CEP44: variants seen among roughly 807,000 people sequenced by gnomAD.
CEP44 encodes the protein centrosomal protein of 44 kDa.
A neutral mutation model predicts 46.7 loss-of-function variants in CEP44; 45 were observed. The observed-to-expected ratio is 0.96, with a 90% CI of 0.76 to 1.24. CEP44 has a LOEUF of 1.24. Among genes scored for constraint, CEP44 ranks in the 50% most tolerant of loss-of-function variants. The pLI, the probability that CEP44 is intolerant of heterozygous loss-of-function variation, is 0.00. For missense variants in CEP44, 475 were observed against 459.7 expected, an observed-to-expected ratio of 1.03 and a Z score of -0.30; for synonymous variants, 142 against 146.0, an observed-to-expected ratio of 0.97 and a Z score of 0.20.
At position 174,308,727 on chromosome 4, in the gene CEP44, T is replaced by C. The variant is rs1286267447; in HGVS notation, c.546T>C (p.Asp182=). ...TGATTCGTCACTTGTATAATGAAGATAATGTTGACATTTCTGAGGATACAT... is the reference window on the plus strand; with the variant it reads ...TGATTCGTCACTTGTATAATGAAGACAATGTTGACATTTCTGAGGATACAT... ...AVVIRHLYNE[D]NVDISEDTLS... is the part of the protein sequence containing the mutation. The change falls in exon 7 of 12, where the codon GAT becomes GAC. Residue 182 remains aspartate, a synonymous_variant. Transcript: ENST00000503780. 8 of 1,612,634 alleles carry C rather than the reference T, an allele frequency of 5.0e-6. No homozygotes were observed. Among genetic ancestry groups the C allele is most frequent in the Non-Finnish European group, 6.8e-6 (8 of 1,178,912 alleles).
rs1271415412 is a variant in CEP44, at chr4:174,290,879, C to T, written c.-148+6936C>T. ...TTGTTGTATCTTTCTATTGAATTGA[C>T]CCTTTTACTATTATATAATGCCTTC... On this transcript the variant is annotated intron_variant, in intron 1 of 11. Transcript: ENST00000503780. This position sits in a 1 kb window ranked among gnomAD's most constrained non-coding sequence, Gnocchi z 4.3. 6.6e-6 allele frequency among the ~76,000 whole-genome samples: 1 copy of T among 152,074 alleles called. No homozygotes were observed. Among genetic ancestry groups the T allele is most frequent in the Non-Finnish European group, 1.5e-5 (1 of 68,004 alleles).
chr4:174,308,563 ACC>A, intron 6 of CEP44, 124 bp from the exon 7 acceptor site: 2 of 855,096 alleles, frequency 2.3e-6, no homozygotes, highest in Non-Finnish European at 3.6e-6. Flanking sequence ...TGCACAACAA[ACC>A]CCCATGGCAC....
intron 8 of CEP44, among the ~76,000 whole-genome samples, chr4:174,330,961 A>T (rs1346078715): frequency 6.6e-6 from 1 of 152,186 alleles, no homozygotes; most frequent in East Asian, 1.9e-4. Context: ...ACCATGGTAA[A>T]CATATCTACA....
rs1740133038 is a variant in CEP44, at chr4:174,304,342, C to T, written c.480C>T (p.Ile160=). 1.9e-6 allele frequency: 3 copies of T among 1,611,398 alleles called. No individual in the cohort carries two copies. The highest frequency in any genetic ancestry group is 2.5e-6 in the Non-Finnish European group (3 of 1,179,290). ...KISAEAVGVD[I]SGRFMTSGKK... ...CTGCAGAGGCTGTTGGCGTTGATAT[C>T]AGTGGCAGGTTTATGACCTCAGGAA... Residue 160 remains isoleucine, a synonymous_variant, in exon 6 of 12, where the codon ATC becomes ATT. Transcript: ENST00000503780.
At chr4:174,303,473 A>T (rs747425110) in intron 4 of CEP44, among the ~76,000 whole-genome samples, 1 of 152,170 alleles carries the variant, frequency 6.6e-6, no homozygotes, top group African/African-American at 2.4e-5. Context: ...CTGGACAGAC[A>T]TCTGTTCTCC....
At chr4:174,332,838 T>C (rs1303084076) in exon 9 of CEP44, 1 of 152,176 alleles carries the variant, frequency 6.6e-6, no homozygotes, top group Non-Finnish European at 1.5e-5. Context: ...AGTTTGTTCC[T>C]AGTTGGAGGG....
intron 1 of CEP44, chr4:174,284,215 A>AC (rs1187598788): frequency 2.5e-6 from 1 of 397,224 alleles, no homozygotes; most frequent in Admixed American, 4.4e-5. Flanking sequence ...CCTTACAGAG[A>AC]CCCCGGGCGG....
Position 174,329,950 on chromosome 4 carries a change from G to C in CEP44, c.1087-1532G>C, listed in dbSNP as rs536787783. 2.0e-5 allele frequency among the ~76,000 whole-genome samples: 3 copies of C among 151,812 alleles called. No individual in the cohort carries two copies. The highest frequency in any genetic ancestry group is 7.3e-5 in the African/African-American group (3 of 41,308). ...ATTATAGTTTCAACTTTCATACTTC[G>C]TATTAAAATGATTGTATAAGAAAAT... On this transcript the variant is annotated intron_variant, in intron 8 of 8. Transcript: ENST00000426172. This position sits in a 1 kb window ranked among gnomAD's most constrained non-coding sequence, Gnocchi z 4.0.
intron 7 of CEP44, 30 bp downstream of exon 7, chr4:174,308,889 C>A: frequency 6.3e-7 from 1 of 1,591,216 alleles, no homozygotes. Context: ...TAAATAGATG[C>A]CAGTATTTTT....
At chr4:174,285,258 A>G (rs1483979593) in intron 1 of CEP44, among the ~76,000 whole-genome samples, 2 of 152,250 alleles carry the variant, frequency 1.3e-5, no homozygotes, top group Admixed American at 1.3e-4. Flanking sequence ...TAAAATGTAC[A>G]TAAGTAATAG....
At chr4:174,298,713 A>G (rs1258181455) in intron 2 of CEP44, among the ~76,000 whole-genome samples, 2 of 152,228 alleles carry the variant, frequency 1.3e-5, no homozygotes. Context: ...TTCTATAAGC[A>G]TCCAAAAGAG....
At position 174,287,795 on chromosome 4, in the gene CEP44, A is replaced by G. The variant is rs1367936546; in HGVS notation, c.-148+3852A>G. Among the ~76,000 whole-genome samples, 1 of 152,232 alleles carries G rather than the reference A, an allele frequency of 6.6e-6. No homozygotes were observed. The highest frequency in any genetic ancestry group is 1.5e-5 in the Non-Finnish European group (1 of 68,040). On this transcript the variant is annotated intron_variant, in intron 1 of 11. Coordinates refer to ENST00000503780, the MANE Select transcript of CEP44 (RefSeq NM_001040157.3). This position sits in a 1 kb window ranked among gnomAD's most constrained non-coding sequence, Gnocchi z 5.1. ...GACAATATGTTTATAAGTGTTTTGC[A>G]GTAACCTTTTTGTTTCTATAATTTC...
At chr4:174,295,178 T>C (rs534399563) in intron 1 of CEP44, among the ~76,000 whole-genome samples, 30 of 151,878 alleles carry the variant, frequency 2.0e-4, no homozygotes, top group African/African-American at 6.8e-4. Flanking sequence ...GAGACGCTCC[T>C]CACTTCCCAG....
chr4:174,319,338 C>A lies in CEP44; in HGVS notation c.*1955C>A. Reference sequence around the variant, plus strand: ...CTGTATCGATTAACTCCTAAAATATCAGTACCAGCATGGAATTATAGCACC... The same window carrying A: ...CTGTATCGATTAACTCCTAAAATATAAGTACCAGCATGGAATTATAGCACC... On this transcript the variant is annotated 3_prime_UTR_variant, in exon 12 of 12. Transcript: ENST00000503780. 2.0e-6 allele frequency: 2 copies of A among 984,288 alleles called. No individual in the cohort carries two copies. Among genetic ancestry groups the A allele is most frequent in the Non-Finnish European group, 2.4e-6 (2 of 828,956 alleles). 61.0% of individuals were successfully genotyped at this position (984,288 alleles called of 1,614,324 possible).
chr4:174,305,074 A>G (rs1221665895), intron 6 of CEP44, among the ~76,000 whole-genome samples: 1 of 152,242 alleles, frequency 6.6e-6, no homozygotes, highest in Non-Finnish European at 1.5e-5. Flanking sequence ...AAGGATGTGA[A>G]TACTTTCTGA....
rs1035367238 is a variant in CEP44, at chr4:174,314,856, T to C, written c.962-1310T>C. On this transcript the variant is annotated intron_variant, in intron 9 of 11. Coordinates refer to ENST00000503780, the MANE Select transcript of CEP44 (RefSeq NM_001040157.3). The surrounding 1 kb of genome is among the most constrained non-coding windows in gnomAD (Gnocchi z 4.1). ...AATCTTGACCTCCAGGCTTAGCTAA[T>C]TGGATTAAGAGTAGACACCTGACCC... Among the ~76,000 whole-genome samples the C allele has an allele frequency of 1.1e-4, 16 of 152,318 alleles. No homozygotes were observed. The highest frequency in any genetic ancestry group is 3.4e-3 in the Middle Eastern group (1 of 294).
In CEP44 at chr4:174,316,286, C is replaced by T; in HGVS notation, c.1082C>T (p.Ser361Leu). Residue 361 changes from serine to leucine, a missense_variant, in exon 10 of 12, where the codon TCA (serine) becomes TTA (leucine). By Grantham distance (145) the Ser-to-Leu change is moderately radical. Transcript: ENST00000503780. ...TVNYCGLNEI[S>L]EETTIQKMER... is the part of the protein sequence containing the mutation. ...AATTACTGTGGTTTGAATGAGATTT[C>T]AGAGGTAAGAAAATGCTTAGATTAT... 1 of 1,609,056 alleles carries T rather than the reference C, an allele frequency of 6.2e-7. No individual in the cohort carries two copies. Among genetic ancestry groups the T allele is most frequent in the Non-Finnish European group, 8.5e-7 (1 of 1,175,998 alleles).
rs116721983 is a variant in CEP44 at position 174,290,583 on chromosome 4, A to G, written c.-148+6640A>G. 9.6e-3 allele frequency among the ~76,000 whole-genome samples: 1,461 copies of G among 151,928 alleles called. 23 individuals carry two copies. Among genetic ancestry groups the G allele is most frequent in the African/African-American group, 0.033 (1,379 of 41,478 alleles). ...GGTCTATAGTGTTGTATAGTTTGCA[A>G]TTTACTTGTTGGTATTCTGTCCGGA... is the stretch of plus-strand genomic sequence containing the variant. On this transcript the variant is annotated intron_variant, in intron 1 of 11. Transcript: ENST00000503780. The surrounding 1 kb of genome is among the most constrained non-coding windows in gnomAD (Gnocchi z 4.3).
In CEP44 at chr4:174,320,325, G is replaced by A. The variant is rs76337635; in HGVS notation, c.*2942G>A. On this transcript the variant is annotated 3_prime_UTR_variant, in exon 12 of 12. Transcript: ENST00000503780. ...TATTTTAAAAATAAAACTTGAAAAC[G>A]TTGGGACTTTGTTTCATGCCATTCA... 0.06 allele frequency: 58,017 copies of A among 972,926 alleles called. 2,105 individuals carry two copies. The highest frequency in any genetic ancestry group is 0.2 in the South Asian group (4,201 of 20,874). The allele number at this position is 972,926 out of a possible 1,614,324, so 60.3% of individuals were successfully genotyped here. A position where few individuals can be genotyped will look rare whatever the true frequency, so the allele number is the denominator to read the frequency against.
Sources: allele counts gnomAD v4.1 joint callset (sites outside exome capture counted in the v4.1 genomes callset), GRCh38; gene constraint gnomAD v4.1.1; non-coding constraint Gnocchi (gnomAD v3.1); transcripts MANE v1.5; gene names NCBI Gene and HGNC (gene_info 2026-07-23, HGNC 2026-07-21).